The following ADNP variants were observed in gnomAD, a reference collection of about 807,000 sequenced individuals.
The protein encoded by ADNP is activity dependent neuroprotector homeobox, also known as activity-dependent neuroprotector homeobox protein.
ADNP carries 4 observed loss-of-function variants against 84.9 expected under a neutral mutation model. That is an observed-to-expected ratio of 0.05 (90% CI 0.02 to 0.11). The LOEUF is 0.11. Ranked by LOEUF, ADNP falls within the 10% of genes least tolerant of loss-of-function variation. ADNP has a pLI of 1.00. For synonymous variants in ADNP, 554 were observed against 468.1 expected, an observed-to-expected ratio of 1.18 and a Z score of -2.37; for missense variants, 1,132 against 1,326.0, an observed-to-expected ratio of 0.85 and a Z score of 2.27.
chr20:50,928,087 A>T (rs1984407220), intron 2 of ADNP, among the ~76,000 whole-genome samples: 1 of 152,222 alleles, frequency 6.6e-6, no homozygotes, highest in Admixed American at 6.5e-5. Flanking sequence ...CCTGTACCAA[A>T]GGGCCTCCTT....
chr20:50,914,803 T>C lies in ADNP; in HGVS notation c.-89-9954A>G, dbSNP rs530981871. Among the ~76,000 whole-genome samples the C allele has an allele frequency of 1.8e-4, 27 of 152,332 alleles. No homozygotes were observed. The East Asian group carries it at 4.0e-3, about 23-fold the overall frequency. ...TGATGTTCCTCCATACAGTTAAACA[T>C]CCTAACTTGTTTCTCAAGCTCACTC... On this transcript the variant is annotated intron_variant, in intron 2 of 5. Transcript: ENST00000621696.
intron 2 of ADNP, among the ~76,000 whole-genome samples, chr20:50,907,585 T>G (rs1982614565): frequency 6.6e-6 from 1 of 150,908 alleles, no homozygotes; most frequent in Non-Finnish European, 1.5e-5. Flanking sequence ...ATGTTCATGT[T>G]AACTCACGTT....
In ADNP at chr20:50,891,497, C is replaced by T; in HGVS notation, c.3217G>A (p.Asp1073Asn). The T allele has an allele frequency of 2.5e-6, 4 of 1,612,500 alleles. No homozygotes were observed. Among genetic ancestry groups the T allele is most frequent in the Non-Finnish European group, 3.4e-6 (4 of 1,180,018 alleles). Reference protein sequence around the residue: ...EWQNSTIDSEDGEQFDNMTDG... With the variant: ...EWQNSTIDSENGEQFDNMTDG... ...GTCATGTTGTCAAACTGTTCCCCAT[C>T]CTCACTGTCAATTGTGCTATTCTGC... The change falls in exon 6 of 6, where the codon GAT becomes AAT. Residue 1073 changes from aspartate to asparagine, a missense_variant. Coordinates refer to ENST00000621696, the MANE Select transcript of ADNP (RefSeq NM_001282531.3).
At chr20:50,910,977 A>G (rs1270392592) in intron 2 of ADNP, among the ~76,000 whole-genome samples, 3 of 152,156 alleles carry the variant, frequency 2.0e-5, no homozygotes, top group African/African-American at 7.2e-5. Context: ...GGAGACTAAC[A>G]CTGTTGAGTG....
chr20:50,917,805 G>C (rs1293226083), intron 2 of ADNP, among the ~76,000 whole-genome samples: 1 of 152,012 alleles, frequency 6.6e-6, no homozygotes, highest in Non-Finnish European at 1.5e-5. Context: ...CCCAAAATAG[G>C]AACAACTGAA....
intron 3 of ADNP, 36 bp downstream of exon 3, chr20:50,904,730 T>C (rs193277385): frequency 1.1e-4 from 17 of 152,352 alleles, no homozygotes; most frequent in Admixed American, 9.2e-4. Context: ...TTTTCTCATT[T>C]TGATGTTGAA....
chr20:50,898,411 C>A (rs531342023), intron 5 of ADNP, among the ~76,000 whole-genome samples: 4 of 152,324 alleles, frequency 2.6e-5, no homozygotes, highest in African/African-American at 9.6e-5. Flanking sequence ...GCACCGTGTG[C>A]ACCTGTGTCT....
chr20:50,915,268 A>C (rs1156379313), intron 2 of ADNP, among the ~76,000 whole-genome samples: 1 of 152,176 alleles, frequency 6.6e-6, no homozygotes, highest in Non-Finnish European at 1.5e-5. Flanking sequence ...GTCACGGTAA[A>C]ACCCTATTTC....
rs1980390991 is a variant in ADNP at position 50,889,221 on chromosome 20, T to C, written c.*2184A>G. 3 of 152,312 alleles carry C rather than the reference T, an allele frequency of 2.0e-5. No homozygotes were observed. The South Asian group carries it at 6.2e-4, about 32-fold the overall frequency. 9.4% of individuals were successfully genotyped at this position (152,312 alleles called of 1,614,324 possible). A position where few individuals can be genotyped will look rare whatever the true frequency, so the allele number is the denominator to read the frequency against. Reference sequence around the variant, plus strand: ...ATCTGTGTCTGTTCCGATATCCAACTGGGACCTGGACCCCAAGCCCCGTGG... The same window carrying C: ...ATCTGTGTCTGTTCCGATATCCAACCGGGACCTGGACCCCAAGCCCCGTGG... On this transcript the variant is annotated 3_prime_UTR_variant, in exon 6 of 6. Transcript: ENST00000621696.
intron 2 of ADNP, among the ~76,000 whole-genome samples, chr20:50,928,057 G>A (rs1370400823): frequency 1.3e-5 from 2 of 152,170 alleles, no homozygotes; most frequent in Non-Finnish European, 2.9e-5. Context: ...AATTGTAGAA[G>A]CAATGTCTCT....
chr20:50,890,912 T>G lies in ADNP; in HGVS notation c.*493A>C. On this transcript the variant is annotated 3_prime_UTR_variant, in exon 6 of 6. Transcript: ENST00000621696. The stretch of plus-strand genomic sequence containing the variant: ...TGATGGGCACACAGTAACAGGATCA[T>G]GAGCATCACTTGAATAGGTCTAAAA... 2 of 984,386 alleles carry G rather than the reference T, an allele frequency of 2.0e-6. No homozygotes were observed. Among genetic ancestry groups the G allele is most frequent in the Non-Finnish European group, 1.2e-6 (1 of 828,820 alleles). The allele number at this position is 984,386 out of a possible 1,614,324, so 61.0% of individuals were successfully genotyped here.
At chr20:50,912,445 T>A (rs1440527996) in intron 2 of ADNP, among the ~76,000 whole-genome samples, 1 of 152,116 alleles carries the variant, frequency 6.6e-6, no homozygotes, top group Non-Finnish European at 1.5e-5. Context: ...CCACTGCGCC[T>A]AGCTTCAAAC....
chr20:50,894,083 A>T lies in ADNP; in HGVS notation c.631T>A (p.Leu211Ile). ...GEKSLNGAVPLGSNAREESSI... is the reference protein window; with the variant it reads ...GEKSLNGAVPIGSNAREESSI... ...CTCTCTTCTCGGGCATTCGAGCCTA[A>T]GGGGACTGCCCCATTGAGTGATTTT... The change falls in exon 6 of 6, where the codon TTA becomes ATA. Residue 211 changes from leucine to isoleucine, a missense_variant. Leu to Ile is a conservative substitution (Grantham distance 5, BLOSUM62 2). Transcript: ENST00000621696. 1 of 1,614,186 alleles carries T rather than the reference A, an allele frequency of 6.2e-7. No homozygotes were observed. Among genetic ancestry groups the T allele is most frequent in the Non-Finnish European group, 8.5e-7 (1 of 1,180,012 alleles).
At chr20:50,916,094 T>C (rs971052923) in intron 2 of ADNP, among the ~76,000 whole-genome samples, 10 of 152,246 alleles carry the variant, frequency 6.6e-5, no homozygotes, top group East Asian at 1.9e-4. Context: ...TTAACTGTTA[T>C]CAATTATTTA....
intron 2 of ADNP, among the ~76,000 whole-genome samples, chr20:50,924,851 T>G (rs990868906): frequency 6.6e-6 from 1 of 152,266 alleles, no homozygotes; most frequent in Non-Finnish European, 1.5e-5. Context: ...CATGACTCTT[T>G]TAGATTACGT....
In ADNP at chr20:50,892,218, A is replaced by G; in HGVS notation, c.2496T>C (p.Asn832=). 2.5e-6 allele frequency: 4 copies of G among 1,614,116 alleles called. No homozygotes were observed. Among genetic ancestry groups the G allele is most frequent in the Non-Finnish European group, 8.5e-7 (1 of 1,180,030 alleles). The change falls in exon 6 of 6, where the codon AAT becomes AAC. Residue 832 remains asparagine (N), a synonymous_variant. Coordinates refer to ENST00000621696, the MANE Select transcript of ADNP (RefSeq NM_001282531.3). ...CAAAATCCATCTCATGCTTGACTTTATTTAATTCTTTCATGTTAAACCCCA... is the reference window on the plus strand; with the variant it reads ...CAAAATCCATCTCATGCTTGACTTTGTTTAATTCTTTCATGTTAAACCCCA... The part of the protein sequence containing the change: ...VLLGFNMKEL[N]KVKHEMDFDA...
rs754872541 is a variant in ADNP, at chr20:50,893,217, G to T, written c.1497C>A (p.Pro499=). ...SKCLYCNRYL[P]TDTLLNHMLI... is the part of the protein sequence containing the mutation. ...ACATATGGTTGAGCAGAGTATCTGT[G>T]GGTAAATAGCGATTACAGTAGAGGC... is the stretch of plus-strand genomic sequence containing the variant. The change falls in exon 6 of 6, where the codon CCC becomes CCA. Residue 499 remains proline, a synonymous_variant. Coordinates refer to ENST00000621696, the MANE Select transcript of ADNP (RefSeq NM_001282531.3). The surrounding 1 kb of genome is among the most constrained non-coding windows in gnomAD (Gnocchi z 4.4). 1 of 1,614,098 alleles carries T rather than the reference G, an allele frequency of 6.2e-7. No individual in the cohort carries two copies. The highest frequency in any genetic ancestry group is 8.5e-7 in the Non-Finnish European group (1 of 1,180,062).
chr20:50,927,179 T>G (rs533540524), intron 2 of ADNP, among the ~76,000 whole-genome samples: 169 of 152,270 alleles, frequency 1.1e-3, no homozygotes, highest in Non-Finnish European at 1.5e-3. Context: ...TTAAAACTCT[T>G]CCTGCACTCT....
Position 50,894,010 on chromosome 20 carries a change from G to C in ADNP, c.704C>G (p.Ala235Gly), listed in dbSNP as rs754218293. ...RCLFMPKSYE[A>G]LVQHVIEDHE... The stretch of plus-strand genomic sequence containing the variant: ...GTCTTCGATGACATGCTGTACCAAA[G>C]CTTCATAGGACTTTGGCATGAAAAG... The change falls in exon 6 of 6, where the codon GCT (alanine) becomes GGT (glycine). Residue 235 changes from alanine to glycine, a missense_variant. Coordinates refer to ENST00000621696, the MANE Select transcript of ADNP (RefSeq NM_001282531.3). 1.9e-6 allele frequency: 3 copies of C among 1,614,184 alleles called. No homozygotes were observed. The highest frequency in any genetic ancestry group is 1.7e-5 in the Admixed American group (1 of 60,024).
Sources: gnomAD v4.1 joint callset for allele counts (sites outside exome capture counted in the v4.1 genomes callset) on GRCh38, gnomAD v4.1.1 for gene constraint, Gnocchi (gnomAD v3.1) non-coding constraint, MANE v1.5 for transcripts, NCBI Gene and HGNC (gene_info 2026-07-23, HGNC 2026-07-21) for gene names.